Variants in OCLN observed in about 807,000 individuals in gnomAD.
OCLN encodes the protein occludin.
OCLN carries 21 observed loss-of-function variants against 47.9 expected under a neutral mutation model. The ratio of observed to expected loss-of-function variants is 0.44; its 90% CI spans 0.31 to 0.63. The LOEUF (loss-of-function observed/expected upper bound fraction) is 0.63. Ranked by LOEUF, OCLN falls within the 30% of genes least tolerant of loss-of-function variation. OCLN has a pLI of 0.08. For missense variants in OCLN, 360 were observed against 571.0 expected (o/e 0.63, Z 3.77); for synonymous variants, 117 against 198.4 (o/e 0.59, Z 3.45).
At position 69,493,886 on chromosome 5, in the gene OCLN, C is replaced by T. The variant is rs903911792; in HGVS notation, c.-69+986C>T. Among the ~76,000 whole-genome samples the T allele has an allele frequency of 2.0e-5, 3 of 152,168 alleles. No individual in the cohort carries two copies. Among genetic ancestry groups the T allele is most frequent in the South Asian group, 4.1e-4 (2 of 4,832 alleles). ...GCGGCGCCGAGCCCCTCGCGCTCCT[C>T]GGGAAGCCACCGGGCCCGAGGGAAA... is the stretch of plus-strand genomic sequence containing the variant. On this transcript the variant is annotated intron_variant, in intron 1 of 8. Coordinates refer to ENST00000396442, the MANE Select transcript of OCLN (RefSeq NM_001205254.2). This position sits in a 1 kb window ranked among gnomAD's most constrained non-coding sequence, Gnocchi z 5.3.
intron 4 of OCLN, among the ~76,000 whole-genome samples, chr5:69,515,968 C>G (rs1208365616): frequency 1.1e-4 from 16 of 151,124 alleles, no homozygotes; most frequent in Admixed American, 1.1e-3. Flanking sequence ...TCCTCACTTC[C>G]TAGATGGGAT....
chr5:69,520,083 C>G (rs1040020681), intron 4 of OCLN, among the ~76,000 whole-genome samples: 2 of 152,028 alleles, frequency 1.3e-5, no homozygotes, highest in South Asian at 2.1e-4. Flanking sequence ...CTCAGCCTTC[C>G]GAGTATCTGG....
Position 69,504,231 on chromosome 5 carries a change from A to T in OCLN, c.-14A>T. 1 of 1,599,786 alleles carries T rather than the reference A, an allele frequency of 6.3e-7. No individual in the cohort carries two copies. Among genetic ancestry groups the T allele is most frequent in the Non-Finnish European group, 8.6e-7 (1 of 1,166,876 alleles). ...TGCTCATCCTGAAGATCAGCTGACC[A>T]TTGACAATCAGCCATGTCATCCAGG... On this transcript the variant is annotated 5_prime_UTR_variant, in exon 2 of 9. Coordinates refer to ENST00000396442, the MANE Select transcript of OCLN (RefSeq NM_001205254.2).
At position 69,504,335 on chromosome 5, in the gene OCLN, T is replaced by C. The variant is rs956935330; in HGVS notation, c.50+41T>C. On this transcript the variant is annotated intron_variant, in intron 2 of 8. Coordinates refer to ENST00000396442, the MANE Select transcript of OCLN (RefSeq NM_001205254.2). ...TTTAGTTATTCTCTTTTAAAAAGTC[T>C]ATCACATGTAAACAATAAGTATGGT... 3.4e-6 allele frequency: 4 copies of C among 1,189,346 alleles called. No homozygotes were observed. The African/African-American group carries it at 4.5e-5, about 13-fold the overall frequency. The allele number at this position is 1,189,346 out of a possible 1,614,324, so 73.7% of individuals were successfully genotyped here.
rs896975040 is a variant in OCLN, at chr5:69,509,455, A to T, written c.365A>T (p.Tyr122Phe). ...GSYGSGYGYG[Y>F]GYGYGYGGYT... ...TACGGAAGTGGCTATGGCTATGGCT[A>T]TGGTTATGGCTATGGCTACGGAGGC... The change falls in exon 3 of 9, where the codon TAT (tyrosine) becomes TTT (phenylalanine). Residue 122 changes from tyrosine (Y) to phenylalanine (F), a missense_variant. By Grantham distance (22) the Tyr-to-Phe change is conservative. Transcript: ENST00000396442. 6.2e-7 allele frequency: 1 copy of T among 1,614,192 alleles called. No individual in the cohort carries two copies. Among genetic ancestry groups the T allele is most frequent in the Non-Finnish European group, 8.5e-7 (1 of 1,180,034 alleles).
intron 1 of OCLN, among the ~76,000 whole-genome samples, chr5:69,495,883 A>G (rs1177064019): frequency 6.6e-6 from 1 of 152,226 alleles, no homozygotes; most frequent in Non-Finnish European, 1.5e-5. Flanking sequence ...CTTTCTAGAC[A>G]GGAAATTGCA....
rs769203237 is a variant in OCLN, at chr5:69,534,697, A to G, written c.895A>G (p.Lys299Glu). 2 of 755,588 alleles carry G rather than the reference A, an allele frequency of 2.6e-6. No homozygotes were observed. Among genetic ancestry groups the G allele is most frequent in the South Asian group, 3.2e-5 (2 of 62,646 alleles). 46.8% of individuals were successfully genotyped at this position (755,588 alleles called of 1,614,324 possible). A position where few individuals can be genotyped will look rare whatever the true frequency, so the allele number is the denominator to read the frequency against. ...EQPPNVEEWV[K>E]NVSAGTQDVP... ...CTATCTCTTGGGGTTTTTTAAGGTT[A>G]AAAATGTGTCTGCAGGCACACAGGA... Residue 299 changes from lysine (K) to glutamate (E), a missense_variant, in exon 5 of 9, where the codon AAA becomes GAA. By Grantham distance (56) the Lys-to-Glu change is moderately conservative. Transcript: ENST00000396442.
intron 1 of OCLN, among the ~76,000 whole-genome samples, chr5:69,497,274 C>T (rs1444392716): frequency 6.6e-6 from 1 of 151,546 alleles, no homozygotes; most frequent in Non-Finnish European, 1.5e-5. Flanking sequence ...ATAACAAAGA[C>T]AGCTCTTCAT....
chr5:69,521,120 A>G (rs1006811277), intron 4 of OCLN, among the ~76,000 whole-genome samples: 7 of 152,206 alleles, frequency 4.6e-5, no homozygotes, highest in African/African-American at 1.7e-4. Flanking sequence ...TACAGGCATG[A>G]GCCACCGTGC....
chr5:69,548,510 C>G (rs1365890867), intron 7 of OCLN, among the ~76,000 whole-genome samples: 1 of 149,090 alleles, frequency 6.7e-6, no homozygotes, highest in African/African-American at 2.5e-5. Flanking sequence ...TTAGTAGAGA[C>G]GGGGTTTCAC....
rs1768632067 is a variant in OCLN at position 69,507,219 on chromosome 5, C to T, written c.51-1922C>T. Reference sequence around the variant, plus strand: ...GCACAATCTTGGCTCACTGCAACCTCCACTTCCTGGATTCAAGCAATTCTC... The same window carrying T: ...GCACAATCTTGGCTCACTGCAACCTTCACTTCCTGGATTCAAGCAATTCTC... On this transcript the variant is annotated intron_variant, in intron 2 of 8. Coordinates refer to ENST00000396442, the MANE Select transcript of OCLN (RefSeq NM_001205254.2). 2.6e-5 allele frequency among the ~76,000 whole-genome samples: 4 copies of T among 152,134 alleles called. No individual in the cohort carries two copies. The South Asian group carries it at 8.3e-4, about 31-fold the overall frequency.
intron 4 of OCLN, among the ~76,000 whole-genome samples, chr5:69,532,900 G>A (rs756945707): frequency 4.6e-5 from 7 of 151,630 alleles, no homozygotes; most frequent in Non-Finnish European, 8.8e-5. Context: ...CCCAGGAGGC[G>A]GAGGTTACAG....
chr5:69,517,856 A>C (rs1018729450), intron 4 of OCLN, among the ~76,000 whole-genome samples: 2 of 152,106 alleles, frequency 1.3e-5, no homozygotes, highest in African/African-American at 4.8e-5. Flanking sequence ...ATTTACCTCC[A>C]GGCAAGGCCA....
intron 4 of OCLN, among the ~76,000 whole-genome samples, chr5:69,526,114 A>G (rs1241084212): frequency 2.0e-5 from 3 of 152,210 alleles, no homozygotes; most frequent in Non-Finnish European, 4.4e-5. Flanking sequence ...TTTGCAGGCA[A>G]CAGAATCACC....
chr5:69,550,304 G>A (rs1344570027), intron 7 of OCLN, among the ~76,000 whole-genome samples: 10 of 118,576 alleles, frequency 8.4e-5, no homozygotes, highest in African/African-American at 2.7e-4. Context: ...TGATTCTCCC[G>A]CCTCAGCCTC....
intron 4 of OCLN, among the ~76,000 whole-genome samples, chr5:69,526,993 AG>A (rs1266554948): frequency 2.0e-5 from 3 of 152,178 alleles, no homozygotes; most frequent in African/African-American, 7.2e-5. Context: ...AAGGTGAAGC[AG>A]GGGCCAGGCG....
At chr5:69,527,904 T>G (rs776625536) in intron 4 of OCLN, among the ~76,000 whole-genome samples, 3 of 152,094 alleles carry the variant, frequency 2.0e-5, no homozygotes, top group Non-Finnish European at 2.9e-5. Flanking sequence ...GGGCTTAGGA[T>G]TTTATTTATA....
chr5:69,494,891 G>C (rs1768249362), intron 1 of OCLN, among the ~76,000 whole-genome samples: 1 of 152,180 alleles, frequency 6.6e-6, no homozygotes, highest in Non-Finnish European at 1.5e-5. Context: ...ATATGGGAAG[G>C]AGTATCAGAA....
intron 4 of OCLN, among the ~76,000 whole-genome samples, chr5:69,522,403 C>T (rs1290793848): frequency 6.6e-6 from 1 of 152,046 alleles, no homozygotes; most frequent in Non-Finnish European, 1.5e-5. Context: ...TTCGCCCAAC[C>T]TAGACCTTTA....
Sources: gnomAD v4.1 joint callset for allele counts (sites outside exome capture counted in the v4.1 genomes callset) on GRCh38, gnomAD v4.1.1 for gene constraint, Gnocchi (gnomAD v3.1) non-coding constraint, MANE v1.5 for transcripts, NCBI Gene and HGNC (gene_info 2026-07-23, HGNC 2026-07-21) for gene names.